Variants in ATP2B2 observed in about 807,000 individuals in gnomAD.
ATP2B2 encodes plasma membrane calcium-transporting ATPase 2.
A neutral mutation model predicts 120.0 loss-of-function variants in ATP2B2; 15 were observed. The ratio of observed to expected loss-of-function variants is 0.12; its 90% CI spans 0.08 to 0.19. ATP2B2 has a LOEUF of 0.19. Among genes scored for constraint, ATP2B2 ranks in the 10% least tolerant of loss-of-function variants. ATP2B2 has a pLI of 1.00. For synonymous variants in ATP2B2, 694 were observed against 700.3 expected (o/e 0.99, Z 0.14); for missense variants, 1,045 against 1,719.8 (o/e 0.61, Z 6.94).
At chr3:10,350,725 A>T in intron 14 of ATP2B2, 148 bp from the exon 15 acceptor site, 1 of 814,850 alleles carries the variant, frequency 1.2e-6, no homozygotes, top group Non-Finnish European at 1.9e-6. Context: ...CACATGGCAT[A>T]TGGGCCACAG....
intron 1 of ATP2B2, among the ~76,000 whole-genome samples, chr3:10,490,312 A>C (rs568437610): frequency 9.2e-5 from 14 of 152,360 alleles, no homozygotes; most frequent in Admixed American, 2.6e-4. Flanking sequence ...CCTCATCTGT[A>C]AAATGGGAAT....
At chr3:10,456,781 A>T (rs373122408) in intron 1 of ATP2B2, among the ~76,000 whole-genome samples, 8 of 152,152 alleles carry the variant, frequency 5.3e-5, no homozygotes, top group African/African-American at 1.9e-4. Flanking sequence ...GTCTTGATGA[A>T]CTACTTATAG....
At chr3:10,486,320 C>CGTGTGTGT (rs1049628903) in intron 1 of ATP2B2, among the ~76,000 whole-genome samples, 2 of 115,816 alleles carry the variant, frequency 1.7e-5, no homozygotes, top group East Asian at 2.2e-4. Context: ...GGTGTGTGTG[C>CGTGTGTGT]GTGCGTGTGT....
At chr3:10,673,035 C>A (rs1010018760) in intron 1 of ATP2B2, among the ~76,000 whole-genome samples, 4 of 152,146 alleles carry the variant, frequency 2.6e-5, no homozygotes, top group Non-Finnish European at 2.9e-5. Flanking sequence ...GCATTTTCTC[C>A]TTGCAGAGCC....
At chr3:10,624,763 A>C (rs1018463442) in intron 1 of ATP2B2, among the ~76,000 whole-genome samples, 5 of 152,254 alleles carry the variant, frequency 3.3e-5, no homozygotes, top group African/African-American at 1.2e-4. Flanking sequence ...GACCCATATA[A>C]GAGGTTGTAA....
chr3:10,514,968 T>A (rs1450504813), intron 3 of ATP2B2, among the ~76,000 whole-genome samples: 1 of 152,186 alleles, frequency 6.6e-6, no homozygotes, highest in East Asian at 1.9e-4. Context: ...CCCCCCAGCC[T>A]TCCTGACCTC....
At position 10,360,118 on chromosome 3, in the gene ATP2B2, TG is replaced by T; in HGVS notation, c.1664del (p.Pro555GlnfsTer26). On this transcript the variant is annotated frameshift_variant, in exon 13 of 23. Coordinates refer to ENST00000360273, the MANE Select transcript of ATP2B2 (RefSeq NM_001001331.4). LOFTEE classifies it high-confidence loss of function. ...NSAYTTKILP[P>X]EKEGALPRQV... ...GCCGAGGCAGGGCGCCCTCCTTCTC[TG>T]GGGGCTGCAGAGAGAGGAAGGAGCG... The T allele has an allele frequency of 6.3e-7, 1 of 1,594,630 alleles. No homozygotes were observed.
At chr3:10,421,079 T>C (rs1366779265) in intron 2 of ATP2B2, among the ~76,000 whole-genome samples, 2 of 152,044 alleles carry the variant, frequency 1.3e-5, no homozygotes, top group African/African-American at 4.8e-5. Flanking sequence ...TCACACACTC[T>C]TGGATGGGGC....
chr3:10,508,859 G>A (rs1011380328), upstream of ATP2B2, among the ~76,000 whole-genome samples: 4 of 152,096 alleles, frequency 2.6e-5, no homozygotes, highest in African/African-American at 9.7e-5. Flanking sequence ...CAGCTGGGAG[G>A]ATTACTGATA....
At chr3:10,690,447 T>C (rs2071634963) in intron 1 of ATP2B2, among the ~76,000 whole-genome samples, 1 of 151,882 alleles carries the variant, frequency 6.6e-6, no homozygotes, top group Non-Finnish European at 1.5e-5. Flanking sequence ...TATCTATCTA[T>C]CTATCTATCT....
chr3:10,681,695 C>T (rs1454466889), intron 1 of ATP2B2, among the ~76,000 whole-genome samples: 1 of 152,206 alleles, frequency 6.6e-6, no homozygotes. Flanking sequence ...TTTCACACCA[C>T]ACTATAAGAT....
Position 10,687,819 on chromosome 3 carries a change from C to A in ATP2B2, c.-460+20096G>T, listed in dbSNP as rs190814739. ...GAGGTTGCAGTGAGCTGAGATCACACCACCGCACTCCAGCCTGGGTGACAG... is the reference window on the plus strand; with the variant it reads ...GAGGTTGCAGTGAGCTGAGATCACAACACCGCACTCCAGCCTGGGTGACAG... On this transcript the variant is annotated intron_variant, in intron 1 of 21. Coordinates refer to the ATP2B2 transcript ENST00000646379. Among the ~76,000 whole-genome samples, 26 of 152,212 alleles carry A rather than the reference C, an allele frequency of 1.7e-4. No homozygotes were observed. In the East Asian group the frequency reaches 4.8e-3, roughly 28 times the overall value.
intron 2 of ATP2B2, among the ~76,000 whole-genome samples, chr3:10,607,332 A>G (rs2069114032): frequency 6.6e-6 from 1 of 152,172 alleles, no homozygotes; most frequent in East Asian, 1.9e-4. Context: ...GGAATCCCCC[A>G]CAAAGCTGGG....
intron 2 of ATP2B2, among the ~76,000 whole-genome samples, chr3:10,420,965 G>T (rs969703650): frequency 6.6e-6 from 1 of 152,220 alleles, no homozygotes; most frequent in Non-Finnish European, 1.5e-5. Context: ...ATTGCAATGT[G>T]CAGCAGGGGA....
chr3:10,394,638 G>T, intron 5 of ATP2B2: 1 of 428,914 alleles, frequency 2.3e-6, no homozygotes. Flanking sequence ...GTGGTGGCAG[G>T]TCCGGCTCTC....
At chr3:10,345,166 G>A (rs191684012) in intron 18 of ATP2B2, among the ~76,000 whole-genome samples, 46 of 152,266 alleles carry the variant, frequency 3.0e-4, no homozygotes, top group African/African-American at 9.9e-4. Flanking sequence ...AACAAGTCAC[G>A]CCACCTCTCT....
chr3:10,517,587 C>G (rs1301589436), intron 3 of ATP2B2, among the ~76,000 whole-genome samples: 2 of 152,184 alleles, frequency 1.3e-5, no homozygotes, highest in Non-Finnish European at 2.9e-5. Flanking sequence ...TGCTACTCAG[C>G]CACTACTTGT....
chr3:10,568,141 C>A (rs546117913), intron 2 of ATP2B2, among the ~76,000 whole-genome samples: 1 of 152,164 alleles, frequency 6.6e-6, no homozygotes, highest in Non-Finnish European at 1.5e-5. Flanking sequence ...CAGGCTGTGC[C>A]CCTGACACTG....
At chr3:10,695,144 T>C (rs980966121) in intron 1 of ATP2B2, among the ~76,000 whole-genome samples, 19 of 151,756 alleles carry the variant, frequency 1.3e-4, no homozygotes, top group Admixed American at 1.2e-3. Context: ...AGTGGTTTAA[T>C]GGACTTACAG....
Sources: gnomAD v4.1 joint callset for allele counts (sites outside exome capture counted in the v4.1 genomes callset) on GRCh38, gnomAD v4.1.1 for gene constraint, MANE v1.5 for transcripts, NCBI Gene and HGNC (gene_info 2026-07-23, HGNC 2026-07-21) for gene names.